Variants in AGMO observed in about 807,000 individuals in gnomAD.
The protein encoded by AGMO is glyceryl-ether monooxygenase.
Under a neutral mutation model 60.2 loss-of-function variants are expected in AGMO, and 75 were observed. The ratio of observed to expected loss-of-function variants is 1.25; its 90% CI spans 1.03 to 1.51. The LOEUF is 1.51. Ranked by LOEUF, AGMO falls within the 40% of genes most tolerant of loss-of-function variation. The probability of loss-of-function intolerance (pLI) is 0.00; values close to 1 mark genes in which losing one functional copy is unlikely to be tolerated. For synonymous variants in AGMO, 261 were observed against 177.1 expected (o/e 1.47, Z -3.76); for missense variants, 763 against 525.5 (o/e 1.45, Z -4.42).
chr7:15,248,179 CATATATATATATATATATATAT>C lies in AGMO; in HGVS notation c.1264-46842_1264-46821del, dbSNP rs71549925. 5.7e-3 allele frequency among the ~76,000 whole-genome samples: 186 copies of C among 32,660 alleles called. 8 individuals carry two copies. Among genetic ancestry groups the C allele is most frequent in the East Asian group, 0.05 (20 of 400 alleles). The allele number at this position is 32,660 out of a possible 152,430, so 21.4% of individuals were successfully genotyped here. On this transcript the variant is annotated intron_variant, in intron 12 of 12. Transcript: ENST00000342526. ...TGTCACAAAATCTGTGATCCAGCAC[CATATATATATATATATATATAT>C]ATATATATATATATATATATATATC...
chr7:15,238,573 T>C (rs1583317668), intron 12 of AGMO, among the ~76,000 whole-genome samples: 2 of 151,518 alleles, frequency 1.3e-5, no homozygotes, highest in East Asian at 1.9e-4. Flanking sequence ...TAAAATAATT[T>C]TAAAAATTTT....
intron 12 of AGMO, among the ~76,000 whole-genome samples, chr7:15,287,118 G>A (rs1057460207): frequency 6.6e-6 from 1 of 152,006 alleles, no homozygotes; most frequent in Non-Finnish European, 1.5e-5. Flanking sequence ...TACATACTGG[G>A]TACGATACAC....
At chr7:15,234,010 C>G (rs1472991037) in intron 12 of AGMO, among the ~76,000 whole-genome samples, 3 of 152,194 alleles carry the variant, frequency 2.0e-5, no homozygotes. Flanking sequence ...TGGCGCCACA[C>G]TGCACTCCAG....
chr7:15,425,212 T>G (rs1781028690), intron 4 of AGMO, among the ~76,000 whole-genome samples: 1 of 152,288 alleles, frequency 6.6e-6, no homozygotes, highest in East Asian at 1.9e-4. Flanking sequence ...ATTAGCAAAG[T>G]GAGTAAACAA....
In AGMO at chr7:15,444,324, C is replaced by G. The variant is rs370064644; in HGVS notation, c.410-13216G>C. 3.9e-5 allele frequency among the ~76,000 whole-genome samples: 6 copies of G among 152,196 alleles called. No individual in the cohort carries two copies. In the East Asian group the frequency reaches 1.2e-3, roughly 29 times the overall value. On this transcript the variant is annotated intron_variant, in intron 3 of 12. Transcript: ENST00000342526. ...TCCCTCTCCCTAATTTCAGTTATAT[C>G]CAAACATTCCACTTTGGAAATGTTT...
chr7:15,447,544 ATTTCT>A (rs1781732353), intron 3 of AGMO, among the ~76,000 whole-genome samples: 1 of 151,948 alleles, frequency 6.6e-6, no homozygotes, highest in African/African-American at 2.4e-5. Flanking sequence ...CAATGTTCTC[ATTTCT>A]TTTCTTTTTT....
rs182456019 is a variant in AGMO, at chr7:15,268,912, T to C, written c.1264-67553A>G. Among the ~76,000 whole-genome samples the C allele has an allele frequency of 2.1e-4, 32 of 152,174 alleles. No individual in the cohort carries two copies. The East Asian group carries it at 5.8e-3, about 28-fold the overall frequency. On this transcript the variant is annotated intron_variant, in intron 12 of 12. Transcript: ENST00000342526. ...ATCTTACTAGGACTTGTAGTAGTCA[T>C]GACTGTTGAAGCTGGGTGTTGACTT...
intron 12 of AGMO, among the ~76,000 whole-genome samples, chr7:15,227,237 A>ATCAGCCAATCACATCAAGCAAACT (rs1261787618): frequency 3.9e-5 from 6 of 152,044 alleles, no homozygotes; most frequent in Non-Finnish European, 8.8e-5. Context: ...ATAGCTGAGT[A>ATCAGCCAATCACATCAAGCAAACT]TCAGCCAATC....
At chr7:15,539,398 T>C (rs1455334771) in intron 3 of AGMO, among the ~76,000 whole-genome samples, 1 of 152,212 alleles carries the variant, frequency 6.6e-6, no homozygotes, top group East Asian at 1.9e-4. Context: ...ATGTGGTATG[T>C]GGTTTTCTCT....
At chr7:15,559,738 C>T (rs1785249543) in intron 2 of AGMO, among the ~76,000 whole-genome samples, 1 of 152,038 alleles carries the variant, frequency 6.6e-6, no homozygotes, top group South Asian at 2.1e-4. Context: ...GAGCCAGACA[C>T]CAATTAGCAA....
the AGMO span, among the ~76,000 whole-genome samples, chr7:15,166,738 T>C: frequency 6.6e-6 from 1 of 152,202 alleles, no homozygotes; most frequent in Non-Finnish European, 1.5e-5. Flanking sequence ...ATATTTTTAC[T>C]GTAACATCAA....
At chr7:15,379,493 A>G (rs1003297435) in intron 10 of AGMO, among the ~76,000 whole-genome samples, 2 of 152,116 alleles carry the variant, frequency 1.3e-5, no homozygotes, top group South Asian at 4.1e-4. Context: ...TTACATGCAC[A>G]TACACTAGAA....
At chr7:15,314,967 G>C (rs368463092) in intron 12 of AGMO, among the ~76,000 whole-genome samples, 1 of 152,136 alleles carries the variant, frequency 6.6e-6, no homozygotes, top group African/African-American at 2.4e-5. Context: ...GGACCCCAAT[G>C]TAAGGACCGA....
chr7:15,492,932 C>T (rs1783107469), intron 3 of AGMO, among the ~76,000 whole-genome samples: 1 of 152,062 alleles, frequency 6.6e-6, no homozygotes, highest in African/African-American at 2.4e-5. Flanking sequence ...GAAGCCTTGA[C>T]GCCATCACTT....
In AGMO at chr7:15,266,596, C is replaced by T. The variant is rs546955736; in HGVS notation, c.1264-65237G>A. Among the ~76,000 whole-genome samples, 16 of 151,832 alleles carry T rather than the reference C, an allele frequency of 1.1e-4. No homozygotes were observed. The East Asian group carries it at 2.9e-3, about 28-fold the overall frequency. ...TGATTGTCAGTTTCAGCTGCTTTCT[C>T]GGGTGCCCACAGTATCAGAAAAGTA... On this transcript the variant is annotated intron_variant, in intron 12 of 12. Transcript: ENST00000342526.
chr7:15,377,555 A>G (rs1184809398), intron 10 of AGMO, among the ~76,000 whole-genome samples: 2 of 152,096 alleles, frequency 1.3e-5, no homozygotes, highest in African/African-American at 4.8e-5. Flanking sequence ...ATAGCTTAAA[A>G]TGAGTAAGTC....
the AGMO span, among the ~76,000 whole-genome samples, chr7:15,169,601 T>C: frequency 2.0e-5 from 3 of 152,090 alleles, no homozygotes; most frequent in Non-Finnish European, 4.4e-5. Context: ...CACACCTGGC[T>C]AATTTTTGTA....
At chr7:15,245,353 AT>A (rs777397942) in intron 12 of AGMO, among the ~76,000 whole-genome samples, 6 of 152,126 alleles carry the variant, frequency 3.9e-5, no homozygotes, top group Non-Finnish European at 8.8e-5. Context: ...ACCAGGGGAA[AT>A]GCTAAGGATA....
At chr7:15,559,217 A>G (rs1785235845) in intron 2 of AGMO, among the ~76,000 whole-genome samples, 1 of 152,096 alleles carries the variant, frequency 6.6e-6, no homozygotes, top group South Asian at 2.1e-4. Flanking sequence ...CATGCAACAG[A>G]CATCATTCCA....
Sources: gnomAD v4.1 joint callset for allele counts (sites outside exome capture counted in the v4.1 genomes callset) on GRCh38, gnomAD v4.1.1 for gene constraint, MANE v1.5 for transcripts, NCBI Gene and HGNC (gene_info 2026-07-23, HGNC 2026-07-21) for gene names.